UGT2A1: variants seen among roughly 807,000 people sequenced by gnomAD.
UGT2A1 encodes the protein UDP glucuronosyltransferase family 2 member A1 complex locus.
In UGT2A1, 61 loss-of-function variants were observed where a neutral mutation model predicts 45.4. The observed-to-expected ratio is 1.34, with a 90% CI of 1.09 to 1.66. The LOEUF (loss-of-function observed/expected upper bound fraction) is 1.66. UGT2A1 is among the 40% of genes most tolerant of loss of function. The probability of loss-of-function intolerance (pLI) is 0.00; values close to 1 mark genes in which losing one functional copy is unlikely to be tolerated. For missense variants in UGT2A1, 649 were observed against 574.3 expected (o/e 1.13, Z -1.33); for synonymous variants, 229 against 196.2 (o/e 1.17, Z -1.40).
chr4:69,634,328 A>G (rs773078269), intron 3 of UGT2A1, among the ~76,000 whole-genome samples: 1 of 152,010 alleles, frequency 6.6e-6, no homozygotes, highest in Non-Finnish European at 1.5e-5. Flanking sequence ...TACATATAAG[A>G]AGGAATTGGA....
chr4:69,619,412 C>T (rs1164429872), intron 3 of UGT2A1, among the ~76,000 whole-genome samples: 1 of 136,620 alleles, frequency 7.3e-6, no homozygotes, highest in Non-Finnish European at 1.6e-5. Flanking sequence ...TGCATACATA[C>T]ATAAATACAT....
rs113968234 is a variant in UGT2A1, at chr4:69,589,946, G to C, written c.1305-295C>G. Reference sequence around the variant, plus strand: ...TTTCCAAAAATAATTTTGATACTGTGTGAGCTATACTGTAGGATGGTTCCA... The same window carrying C: ...TTTCCAAAAATAATTTTGATACTGTCTGAGCTATACTGTAGGATGGTTCCA... On this transcript the variant is annotated intron_variant, in intron 6 of 6. Coordinates refer to ENST00000286604, the MANE Select transcript of UGT2A1 (RefSeq NM_001252275.3). 6.6e-3 allele frequency among the ~76,000 whole-genome samples: 1,004 copies of C among 152,278 alleles called. 16 individuals are homozygous for C. The highest frequency in any genetic ancestry group is 0.021 in the African/African-American group (882 of 41,566).
intron 2 of UGT2A1, 133 bp downstream of exon 2, chr4:69,646,797 T>C: frequency 1.7e-6 from 1 of 578,828 alleles, no homozygotes; most frequent in South Asian, 3.5e-5. Flanking sequence ...TCTTTTCTGC[T>C]ATCAAGTGAT....
At chr4:69,629,833 T>C (rs1721288008) in intron 3 of UGT2A1, among the ~76,000 whole-genome samples, 1 of 152,104 alleles carries the variant, frequency 6.6e-6, no homozygotes, top group African/African-American at 2.4e-5. Flanking sequence ...AGCTTCTGAG[T>C]CCTGTGAGTC....
intron 1 of UGT2A1, among the ~76,000 whole-genome samples, chr4:69,648,946 A>G (rs1478407807): frequency 6.6e-6 from 1 of 152,044 alleles, no homozygotes; most frequent in African/African-American, 2.4e-5. Context: ...TTACCAACTA[A>G]GGAATCCATA....
At chr4:69,618,903 G>A (rs1720572105) in intron 3 of UGT2A1, among the ~76,000 whole-genome samples, 2 of 151,726 alleles carry the variant, frequency 1.3e-5, no homozygotes, top group African/African-American at 4.8e-5. Flanking sequence ...AACATTGAAA[G>A]GTTAGAAGAA....
chr4:69,593,392 C>A (rs530066358), intron 6 of UGT2A1, among the ~76,000 whole-genome samples: 1 of 151,854 alleles, frequency 6.6e-6, no homozygotes, highest in African/African-American at 2.4e-5. Flanking sequence ...AGATACATTT[C>A]AAAGCAGGAG....
At chr4:69,603,000 G>A (rs1719388799) in intron 3 of UGT2A1, among the ~76,000 whole-genome samples, 1 of 135,202 alleles carries the variant, frequency 7.4e-6, no homozygotes, top group Non-Finnish European at 1.6e-5. Context: ...CCGGGAGGAG[G>A]AGGTTGCAGT....
rs555825196 is a variant in UGT2A1 at position 69,647,259 on chromosome 4, A to C, written c.386T>G (p.Val129Gly). 1 of 1,613,264 alleles carries C rather than the reference A, an allele frequency of 6.2e-7. No homozygotes were observed. Among genetic ancestry groups the C allele is most frequent in the African/African-American group, 1.3e-5 (1 of 74,846 alleles). The change falls in exon 2 of 7, where the codon GTT becomes GGT. Residue 129 changes from valine (V) to glycine (G), a missense_variant. Physicochemically the swap from Val to Gly is moderately radical, Grantham distance 109. Coordinates refer to ENST00000286604, the MANE Select transcript of UGT2A1 (RefSeq NM_001252275.3). ...HMVSQEICDG[V>G]LKNQQLMAKL... ...TGCCATCAGCTGTTGGTTTTTAAGA[A>C]CGCCATCACAGATCTCCTGAGACAC...
In UGT2A1 at chr4:69,653,210, T is replaced by A. The variant is rs190341044; in HGVS notation, c.-77A>T. On this transcript the variant is annotated 5_prime_UTR_variant, in exon 1 of 7. The change abolishes the stop of an existing upstream ORF in the 5' untranslated region. Transcript: ENST00000286604. The stretch of plus-strand genomic sequence containing the variant: ...TACCTGAAGTTTCCTGGAGGAACTT[T>A]AACAGCACTCATTTGACATTAGGAA... 1.2e-4 allele frequency: 18 copies of A among 152,316 alleles called. No individual in the cohort carries two copies. Among genetic ancestry groups the A allele is most frequent in the African/African-American group, 4.3e-4 (18 of 41,578 alleles). 9.4% of individuals were successfully genotyped at this position (152,316 alleles called of 1,614,324 possible).
At chr4:69,641,849 A>G (rs770941705) in intron 2 of UGT2A1, among the ~76,000 whole-genome samples, 11 of 151,872 alleles carry the variant, frequency 7.2e-5, no homozygotes, top group Admixed American at 3.3e-4. Context: ...TCAGAACAGC[A>G]CCTGGGCTCC....
At position 69,589,481 on chromosome 4, in the gene UGT2A1, A is replaced by C. The variant is rs199840845; in HGVS notation, c.1475T>G (p.Ile492Ser). Residue 492 changes from isoleucine to serine, a missense_variant, in exon 7 of 7, where the codon ATT becomes AGT. Coordinates refer to ENST00000286604, the MANE Select transcript of UGT2A1 (RefSeq NM_001252275.3). ...TWFQYHSLDV[I>S]GFLLVCVTTA... ...TGTCACACAGACCAGCAAGAACCCA[A>C]TTACATCCAAAGAGTGGTACTGGAA... is the stretch of plus-strand genomic sequence containing the variant. The C allele has an allele frequency of 6.2e-7, 1 of 1,614,102 alleles. No individual in the cohort carries two copies. The highest frequency in any genetic ancestry group is 1.3e-5 in the African/African-American group (1 of 75,024).
In UGT2A1 at chr4:69,599,414, T is replaced by G; in HGVS notation, c.848-20A>C. 6.2e-7 allele frequency: 1 copy of G among 1,610,206 alleles called. No homozygotes were observed. Among genetic ancestry groups the G allele is most frequent in the Non-Finnish European group, 8.5e-7 (1 of 1,179,084 alleles). ...GTCTTCCTGGAGAAAATGTAACAAG[T>G]TGGATGGAGGAAATTAGCTTATATG... is the stretch of plus-strand genomic sequence containing the variant. On this transcript the variant is annotated intron_variant, in intron 3 of 6. Transcript: ENST00000286604.
intron 2 of UGT2A1, among the ~76,000 whole-genome samples, chr4:69,645,811 A>G (rs1051742470): frequency 2.0e-5 from 3 of 151,858 alleles, no homozygotes; most frequent in Middle Eastern, 3.2e-3. Context: ...CGTCATTAGC[A>G]TCTTCCTCCA....
chr4:69,593,461 A>G (rs1452820109), intron 6 of UGT2A1, among the ~76,000 whole-genome samples: 2 of 151,722 alleles, frequency 1.3e-5, no homozygotes, highest in African/African-American at 4.8e-5. Context: ...TCAAAATTAC[A>G]TATACATATA....
chr4:69,640,103 A>G (rs1057295250), intron 2 of UGT2A1, among the ~76,000 whole-genome samples: 4 of 151,950 alleles, frequency 2.6e-5, no homozygotes, highest in African/African-American at 4.8e-5. Flanking sequence ...GGAATTTTTC[A>G]GTTTCTTCCA....
chr4:69,608,861 A>C (rs1719849042), intron 3 of UGT2A1, among the ~76,000 whole-genome samples: 1 of 152,114 alleles, frequency 6.6e-6, no homozygotes, highest in African/African-American at 2.4e-5. Flanking sequence ...ATGTCCAGTA[A>C]TTTTTGTAAA....
chr4:69,641,258 A>C (rs1251345154), intron 2 of UGT2A1, among the ~76,000 whole-genome samples: 2 of 151,966 alleles, frequency 1.3e-5, no homozygotes, highest in African/African-American at 4.8e-5. Context: ...AATTTAGTGA[A>C]GAACAATAAA....
At chr4:69,592,753 G>A (rs928403380) in intron 6 of UGT2A1, among the ~76,000 whole-genome samples, 1 of 151,866 alleles carries the variant, frequency 6.6e-6, no homozygotes, top group African/African-American at 2.4e-5. Context: ...GACTAAACTG[G>A]TGCTCCAGAA....
Sources: allele counts gnomAD v4.1 joint callset (sites outside exome capture counted in the v4.1 genomes callset), GRCh38; gene constraint gnomAD v4.1.1; transcripts MANE v1.5; gene names NCBI Gene and HGNC (gene_info 2026-07-23, HGNC 2026-07-21).